PCDHA2: variants seen among roughly 807,000 people sequenced by gnomAD.
PCDHA2 encodes the protein protocadherin alpha-2.
In PCDHA2, 58 loss-of-function variants were observed where a neutral mutation model predicts 66.0. That is an observed-to-expected ratio of 0.88 (90% CI 0.71 to 1.09). The LOEUF is 1.09. Ranked by LOEUF, PCDHA2 falls within the 50% of genes least tolerant of loss-of-function variation. The pLI is 0.00. For synonymous variants in PCDHA2, 634 were observed against 554.0 expected (o/e 1.14, Z -2.03); for missense variants, 1,267 against 1,242.3 (o/e 1.02, Z -0.30).
At chr5:140,849,060 G>GT (rs1320977554) in intron 1 of PCDHA2, 2 of 1,548,996 alleles carry the variant, frequency 1.3e-6, no homozygotes, top group Non-Finnish European at 1.8e-6. Context: ...CAACCAGCAG[G>GT]TAAAACCTCT....
intron 1 of PCDHA2, among the ~76,000 whole-genome samples, chr5:140,908,488 A>G (rs2073999089): frequency 6.6e-6 from 1 of 152,206 alleles, no homozygotes; most frequent in Non-Finnish European, 1.5e-5. Flanking sequence ...TAGGCAGTTC[A>G]GGTTGCTTGG....
rs2150130376 is a variant in PCDHA2 at position 140,823,924 on chromosome 5, TAC to T, written c.2388+26575_2388+26576del. On this transcript the variant is annotated intron_variant, in intron 1 of 3. Transcript: ENST00000526136. ...CCTGCTGGTGCTCACGCTGCTGCTG[TAC>T]ACCGCGCTGCGGTGCTCGGCGCAGC... 1.8e-5 allele frequency: 29 copies of T among 1,613,852 alleles called. No homozygotes were observed. The Admixed American group carries it at 4.8e-4, about 27-fold the overall frequency.
intron 1 of PCDHA2, among the ~76,000 whole-genome samples, chr5:140,888,767 T>G (rs927723567): frequency 6.6e-6 from 1 of 152,048 alleles, no homozygotes; most frequent in Non-Finnish European, 1.5e-5. Flanking sequence ...TTTTTTTTAA[T>G]TTTGAAGGGA....
chr5:140,968,866 A>G, intron 1 of PCDHA2: 1 of 1,614,230 alleles, frequency 6.2e-7, no homozygotes, highest in Non-Finnish European at 8.5e-7. Flanking sequence ...GCCCTCGGAC[A>G]TACTCTGAAA....
At chr5:140,841,961 G>A (rs1221561116) in intron 1 of PCDHA2, 1 of 1,613,790 alleles carries the variant, frequency 6.2e-7, no homozygotes, top group Non-Finnish European at 8.5e-7. Flanking sequence ...ATTCCTGACA[G>A]CCACAGATGG....
chr5:140,989,939 C>T (rs533490284), intron 3 of PCDHA2, among the ~76,000 whole-genome samples: 2 of 152,004 alleles, frequency 1.3e-5, no homozygotes, highest in South Asian at 2.1e-4. Flanking sequence ...TGACATTCCA[C>T]GTTTTTCTCG....
rs2098421437 is a variant in PCDHA2, at chr5:141,011,660, T to G, written c.*1723T>G. The G allele has an allele frequency of 6.5e-6, 1 of 153,726 alleles. No individual in the cohort carries two copies. Among genetic ancestry groups the G allele is most frequent in the African/African-American group, 2.4e-5 (1 of 41,436 alleles). The allele number at this position is 153,726 out of a possible 1,614,324, so 9.5% of individuals were successfully genotyped here. On this transcript the variant is annotated 3_prime_UTR_variant, in exon 4 of 4. Coordinates refer to ENST00000526136, the MANE Select transcript of PCDHA2 (RefSeq NM_018905.3). ...GCCAAGACTTCTGCTGGCAAGGGAATGGATAAAGCTGTTTTGTTCTAGTAA... is the reference window on the plus strand; with the variant it reads ...GCCAAGACTTCTGCTGGCAAGGGAAGGGATAAAGCTGTTTTGTTCTAGTAA...
chr5:140,836,961 G>A, intron 1 of PCDHA2: 1 of 400,098 alleles, frequency 2.5e-6, no homozygotes, highest in Non-Finnish European at 4.3e-6. Context: ...GTTTATGTTG[G>A]CTACTCTCCA....
intron 1 of PCDHA2, among the ~76,000 whole-genome samples, chr5:140,800,837 A>G (rs1275234249): frequency 5.3e-5 from 8 of 152,234 alleles, no homozygotes; most frequent in Non-Finnish European, 8.8e-5. Context: ...CACAATTGAT[A>G]GTGAATTAGT....
intron 1 of PCDHA2, chr5:140,802,246 T>C: frequency 1.2e-6 from 2 of 1,614,230 alleles, no homozygotes; most frequent in Non-Finnish European, 1.7e-6. Flanking sequence ...GTACCTGAGT[T>C]AGTTATTCAA....
At chr5:140,967,492 G>C in intron 1 of PCDHA2, 1 of 1,613,380 alleles carries the variant, frequency 6.2e-7, no homozygotes, top group Non-Finnish European at 8.5e-7. Flanking sequence ...GTACGGCACA[G>C]ATCTCTGTGC....
chr5:140,981,948 G>T (rs544785800), intron 2 of PCDHA2, among the ~76,000 whole-genome samples: 26 of 152,230 alleles, frequency 1.7e-4, no homozygotes, highest in African/African-American at 6.0e-4. Context: ...TATAGGGTGG[G>T]TCATCTATGC....
At chr5:140,815,474 C>T (rs1440503141) in intron 1 of PCDHA2, 1 of 152,080 alleles carries the variant, frequency 6.6e-6, no homozygotes, top group Non-Finnish European at 1.5e-5. Context: ...ATGTTTACTT[C>T]TCCCCTACCC....
chr5:140,998,497 G>A (rs1367409428), intron 3 of PCDHA2, among the ~76,000 whole-genome samples: 2 of 152,090 alleles, frequency 1.3e-5, no homozygotes, highest in East Asian at 3.8e-4. Flanking sequence ...TTTGAGAACA[G>A]GGTACTTGTC....
chr5:140,863,388 C>A (rs2047990567), intron 1 of PCDHA2: 2 of 1,000,024 alleles, frequency 2.0e-6, no homozygotes, highest in African/African-American at 1.6e-5. Context: ...AGAGCTCGTG[C>A]ATGCCGGGCA....
intron 2 of PCDHA2, among the ~76,000 whole-genome samples, chr5:140,981,116 A>G (rs533489885): frequency 6.6e-6 from 1 of 152,344 alleles, no homozygotes; most frequent in African/African-American, 2.4e-5. Flanking sequence ...TCTACTGGAT[A>G]TGTTGTTTGA....
intron 3 of PCDHA2, among the ~76,000 whole-genome samples, chr5:140,999,595 C>T (rs1232390404): frequency 1.3e-5 from 2 of 152,148 alleles, no homozygotes; most frequent in East Asian, 3.9e-4. Flanking sequence ...GCCTTCCCTA[C>T]ATCCTGGGGG....
intron 1 of PCDHA2, among the ~76,000 whole-genome samples, chr5:140,971,595 A>G (rs1228003229): frequency 6.6e-6 from 1 of 152,110 alleles, no homozygotes; most frequent in African/African-American, 2.4e-5. Flanking sequence ...CCTAGTTACT[A>G]CAGATGGCAG....
chr5:140,975,380 G>A (rs1554236775), intron 1 of PCDHA2, among the ~76,000 whole-genome samples: 2 of 152,220 alleles, frequency 1.3e-5, no homozygotes, highest in African/African-American at 4.8e-5. Flanking sequence ...GTAATCATGG[G>A]AATAAGATCC....
Sources: allele counts gnomAD v4.1 joint callset (sites outside exome capture counted in the v4.1 genomes callset), GRCh38; gene constraint gnomAD v4.1.1; transcripts MANE v1.5; gene names NCBI Gene and HGNC (gene_info 2026-07-23, HGNC 2026-07-21).